The following ZNF662 variants were observed in gnomAD, a reference collection of about 807,000 sequenced individuals.
ZNF662 encodes zinc finger protein 662.
ZNF662 carries 14 observed loss-of-function variants against 12.4 expected under a neutral mutation model. That is an observed-to-expected ratio of 1.13 (90% CI 0.75 to 1.77). The LOEUF is 1.77. ZNF662 is among the 40% of genes most tolerant of loss of function. The probability of loss-of-function intolerance (pLI) is 0.00; values close to 1 mark genes in which losing one functional copy is unlikely to be tolerated. For missense variants in ZNF662, 550 were observed against 515.6 expected (o/e 1.07, Z -0.65); for synonymous variants, 184 against 176.4 (o/e 1.04, Z -0.34).
At chr3:42,909,936 C>T (rs1041332305) in intron 3 of ZNF662, among the ~76,000 whole-genome samples, 19 of 152,106 alleles carry the variant, frequency 1.2e-4, no homozygotes, top group Non-Finnish European at 2.5e-4. Flanking sequence ...ACGCTCCTCA[C>T]TTCCTAGACG....
At position 42,915,446 on chromosome 3, in the gene ZNF662, C is replaced by T; in HGVS notation, c.*92C>T. 8.0e-7 allele frequency: 1 copy of T among 1,252,086 alleles called. No homozygotes were observed. Among genetic ancestry groups the T allele is most frequent in the Admixed American group, 2.5e-5 (1 of 39,508 alleles). 77.6% of individuals were successfully genotyped at this position (1,252,086 alleles called of 1,614,324 possible). ...TGACCATTCACAATTTGCTGTAACC[C>T]TTAACTTAAATAGCCAGTATTATCT... On this transcript the variant is annotated 3_prime_UTR_variant, in exon 5 of 5. Transcript: ENST00000440367.
chr3:42,913,301 G>A lies in ZNF662; in HGVS notation c.252G>A (p.Pro84=), dbSNP rs113286469. 2.2e-3 allele frequency: 3,554 copies of A among 1,610,712 alleles called. 31 individuals are homozygous for A. The highest frequency in any genetic ancestry group is 0.021 in the African/African-American group (1,575 of 74,944). Residue 84 remains proline (P), a splice_region_variant and synonymous_variant, in exon 4 of 5, where the codon CCG becomes CCA. Transcript: ENST00000440367. ...GAGAGGGTCCAAGCCTGATTTGTCC[G>A]GGTAAGTGAGAGGGAAATGAGCATT... ...LQGEGPSLIC[P]EGVLKRKKED...
chr3:42,913,112 C>A (rs2088850491), intron 3 of ZNF662, 89 bp from the exon 4 acceptor site: 1 of 882,298 alleles, frequency 1.1e-6, no homozygotes, highest in Non-Finnish European at 1.9e-6. Context: ...CACCTTTATT[C>A]TCTCCCTACC....
In ZNF662 at chr3:42,914,694, T is replaced by C. The variant is rs577950846; in HGVS notation, c.621T>C (p.Phe207=). ...CGKCFDQNED[F]DQHQKTHNGE... ...AGTGTTTTGATCAAAATGAGGACTT[T>C]GATCAACACCAGAAAACTCATAATG... Residue 207 remains phenylalanine, a synonymous_variant, in exon 5 of 5, where the codon TTT becomes TTC. Coordinates refer to ENST00000440367, the MANE Select transcript of ZNF662 (RefSeq NM_207404.4). 8.7e-6 allele frequency: 14 copies of C among 1,614,202 alleles called. No homozygotes were observed. The East Asian group carries it at 3.1e-4, about 36-fold the overall frequency.
chr3:42,907,638 G>A (rs1459293640), intron 1 of ZNF662: 10 of 969,290 alleles, frequency 1.0e-5, no homozygotes, highest in African/African-American at 1.8e-5. Context: ...TATGTCAAGT[G>A]CTTGGCACAG....
In ZNF662 at chr3:42,916,990, C is replaced by T. The variant is rs2088902177; in HGVS notation, c.*1636C>T. 1 of 152,866 alleles carries T rather than the reference C, an allele frequency of 6.5e-6. No individual in the cohort carries two copies. The highest frequency in any genetic ancestry group is 1.5e-5 in the Non-Finnish European group (1 of 68,622). The allele number at this position is 152,866 out of a possible 1,614,324, so 9.5% of individuals were successfully genotyped here. On this transcript the variant is annotated 3_prime_UTR_variant, in exon 5 of 5. Coordinates refer to ENST00000440367, the MANE Select transcript of ZNF662 (RefSeq NM_207404.4). Reference sequence around the variant, plus strand: ...GTATTGGCATCAGAGCCAGAAATGCCCTCCCTAGGTCCAGGACCAAAGATA... The same window carrying T: ...GTATTGGCATCAGAGCCAGAAATGCTCTCCCTAGGTCCAGGACCAAAGATA...
At chr3:42,911,389 TG>T (rs1350292895) in intron 3 of ZNF662, among the ~76,000 whole-genome samples, 1 of 152,170 alleles carries the variant, frequency 6.6e-6, no homozygotes, top group East Asian at 1.9e-4. Context: ...GGAAGGGGTA[TG>T]GGGAGACCAC....
Position 42,906,333 on chromosome 3 carries a change from C to T in ZNF662, c.-94+165C>T. The T allele has an allele frequency of 6.5e-7, 1 of 1,528,536 alleles. No homozygotes were observed. The highest frequency in any genetic ancestry group is 8.8e-7 in the Non-Finnish European group (1 of 1,142,428). 94.7% of individuals were successfully genotyped at this position (1,528,536 alleles called of 1,614,324 possible). ...TCCGGTCTGGCGCGCCCTCGCTTTC[C>T]CAGAGGGCGACCTGGGCTATGGCGG... On this transcript the variant is annotated intron_variant, in intron 1 of 4. Coordinates refer to ENST00000440367, the MANE Select transcript of ZNF662 (RefSeq NM_207404.4). This position sits in a 1 kb window ranked among gnomAD's most constrained non-coding sequence, Gnocchi z 4.4.
In ZNF662 at chr3:42,906,542, A is replaced by AGAGT. The variant is rs201134184; in HGVS notation, c.-94+378_-94+381dup. The AGAGT allele has an allele frequency of 0.019, 20,002 of 1,051,634 alleles. 267 individuals are homozygous for AGAGT. Among genetic ancestry groups the AGAGT allele is most frequent in the Non-Finnish European group, 0.022 (16,810 of 773,052 alleles). The allele number at this position is 1,051,634 out of a possible 1,614,324, so 65.1% of individuals were successfully genotyped here. ...CGGCTGGGAAATGGGGGTACAACCCAGAGTGAGGGGCCTCGAGGGACAGGC... is the reference window on the plus strand; with the variant it reads ...CGGCTGGGAAATGGGGGTACAACCCAGAGTGAGTGAGGGGCCTCGAGGGACAGGC... On this transcript the variant is annotated intron_variant, in intron 1 of 4. Transcript: ENST00000440367. This position sits in a 1 kb window ranked among gnomAD's most constrained non-coding sequence, Gnocchi z 4.4.
At chr3:42,909,171 T>C (rs1215165847) in intron 3 of ZNF662, among the ~76,000 whole-genome samples, 1 of 152,158 alleles carries the variant, frequency 6.6e-6, no homozygotes, top group Non-Finnish European at 1.5e-5. Flanking sequence ...GATAAACATG[T>C]GAACAAAGGT....
rs2088826359 is a variant in ZNF662, at chr3:42,912,644, A to ATATATATAAATATATATATATTTTT, written c.152-536_152-535insTTTTTATATATAAATATATATATAT. ...TAAAATATATATTTATATATTTTATATATATATAAATATATATATATATTT... is the reference window on the plus strand; with the variant it reads ...TAAAATATATATTTATATATTTTATATATATATAAATATATATATATTTTTTATATATAAATATATATATATATTT... On this transcript the variant is annotated intron_variant, in intron 3 of 4. Coordinates refer to ENST00000440367, the MANE Select transcript of ZNF662 (RefSeq NM_207404.4). Among the ~76,000 whole-genome samples, 17 of 82,234 alleles carry ATATATATAAATATATATATATTTTT rather than the reference A, an allele frequency of 2.1e-4. 1 individual carries two copies. Among genetic ancestry groups the ATATATATAAATATATATATATTTTT allele is most frequent in the Non-Finnish European group, 3.6e-4 (16 of 45,038 alleles). The allele number at this position is 82,234 out of a possible 152,430, so 53.9% of individuals were successfully genotyped here.
rs1354845499 is a variant in ZNF662, at chr3:42,907,856, CTT to C, written c.-93-164_-93-163del. The C allele has an allele frequency of 8.1e-6, 8 of 985,308 alleles. No homozygotes were observed. In the African/African-American group the frequency reaches 1.4e-4, roughly 17 times the overall value. The allele number at this position is 985,308 out of a possible 1,614,324, so 61.0% of individuals were successfully genotyped here. Reference sequence around the variant, plus strand: ...AAAATTGATGGCTGATGCCTTGTCTCTTTGTACATAGGAGGCAAAAATCTTCT... The same window carrying C: ...AAAATTGATGGCTGATGCCTTGTCTCTGTACATAGGAGGCAAAAATCTTCT... On this transcript the variant is annotated intron_variant, in intron 1 of 4. Transcript: ENST00000440367.
At position 42,914,592 on chromosome 3, in the gene ZNF662, T is replaced by G; in HGVS notation, c.519T>G (p.Thr173=). The G allele has an allele frequency of 6.2e-7, 1 of 1,614,198 alleles. No individual in the cohort carries two copies. The highest frequency in any genetic ancestry group is 8.5e-7 in the Non-Finnish European group (1 of 1,180,034). The change falls in exon 5 of 5, where the codon ACT becomes ACG. Residue 173 remains threonine (T), a synonymous_variant. Transcript: ENST00000440367. ...MISVEESSGN[T]DVNNLLGIHH... is the part of the protein sequence containing the mutation. ...CAGTAGAAGAGAGTTCAGGGAATAC[T>G]GATGTCAATAACCTCCTTGGTATAC...
At chr3:42,907,636 G>A (rs2088702095) in intron 1 of ZNF662, 4 of 967,606 alleles carry the variant, frequency 4.1e-6, no homozygotes, top group Non-Finnish European at 4.9e-6. Context: ...TATATGTCAA[G>A]TGCTTGGCAC....
At chr3:42,908,464 C>T (rs1038312366) in intron 2 of ZNF662, 1 of 1,237,786 alleles carries the variant, frequency 8.1e-7, no homozygotes, top group South Asian at 2.6e-5. Flanking sequence ...TTGCAAGATC[C>T]AGCCTAATTC....
Position 42,914,777 on chromosome 3 carries a change from G to A in ZNF662, c.704G>A (p.Cys235Tyr). Residue 235 changes from cysteine to tyrosine, a missense_variant, in exon 5 of 5, where the codon TGC becomes TAC. Transcript: ENST00000440367. ...AAGGCTTTCAGTTTTCGATCACATT[G>A]CATTGCACATCAGAGAATTCACAGT... ...CGKAFSFRSH[C>Y]IAHQRIHSGV... 1.2e-6 allele frequency: 2 copies of A among 1,613,312 alleles called. No homozygotes were observed. The highest frequency in any genetic ancestry group is 1.7e-6 in the Non-Finnish European group (2 of 1,179,740).
chr3:42,915,314 A>C lies in ZNF662; in HGVS notation c.1241A>C (p.Lys414Thr). The C allele has an allele frequency of 6.3e-7, 1 of 1,596,590 alleles. No individual in the cohort carries two copies. The highest frequency in any genetic ancestry group is 8.5e-7 in the Non-Finnish European group (1 of 1,172,732). The change falls in exon 5 of 5, where the codon AAA becomes ACA. Residue 414 changes from lysine (K) to threonine (T), a missense_variant. By Grantham distance (78) the Lys-to-Thr change is moderately conservative. Transcript: ENST00000440367. ...CACCAGAGGCGCCATGCTAGAGACA[A>C]ACCCTATAACTGTCAGATCTCTCAC... ...IKHQRRHARD[K>T]PYNCQISHLL...
At chr3:42,910,212 C>G (rs1164584515) in intron 3 of ZNF662, among the ~76,000 whole-genome samples, 1 of 152,146 alleles carries the variant, frequency 6.6e-6, no homozygotes, top group African/African-American at 2.4e-5. Context: ...ACCAGTCAGG[C>G]GTGGCGGCGC....
chr3:42,912,560 ATATATAAATACATAT>A (rs1449559612), intron 3 of ZNF662, among the ~76,000 whole-genome samples: 11 of 64,884 alleles, frequency 1.7e-4, no homozygotes, highest in Admixed American at 2.8e-4. Context: ...ATATAAATAT[ATATATAAATACATAT>A]TTTATATATA....
Sources: allele counts gnomAD v4.1 joint callset (sites outside exome capture counted in the v4.1 genomes callset), GRCh38; gene constraint gnomAD v4.1.1; non-coding constraint Gnocchi (gnomAD v3.1); transcripts MANE v1.5; gene names NCBI Gene and HGNC (gene_info 2026-07-23, HGNC 2026-07-21).